Variants in ADAM18 observed in about 807,000 individuals in gnomAD.
The protein encoded by ADAM18 is ADAM metallopeptidase domain 18, also known as disintegrin and metalloproteinase domain-containing protein 18.
In ADAM18, 117 loss-of-function variants were observed where a neutral mutation model predicts 94.4. The observed-to-expected ratio is 1.24, with a 90% CI of 1.07 to 1.45. The LOEUF (loss-of-function observed/expected upper bound fraction) is 1.45. Ranked by LOEUF, ADAM18 falls within the 40% of genes most tolerant of loss-of-function variation. The pLI is 0.00. For synonymous variants in ADAM18, 327 were observed against 291.6 expected, an observed-to-expected ratio of 1.12 and a Z score of -1.24; for missense variants, 936 against 880.0, an observed-to-expected ratio of 1.06 and a Z score of -0.81.
intron 18 of ADAM18, among the ~76,000 whole-genome samples, chr8:39,717,785 A>G (rs1391485968): frequency 6.6e-6 from 1 of 151,638 alleles, no homozygotes; most frequent in Non-Finnish European, 1.5e-5. Context: ...ATTGAGTGGG[A>G]GAAAATATTT....
chr8:39,719,378 A>G (rs1178472598), intron 18 of ADAM18, among the ~76,000 whole-genome samples: 2 of 151,378 alleles, frequency 1.3e-5, no homozygotes, highest in Non-Finnish European at 3.0e-5. Context: ...TCTAGAAGAA[A>G]ACATAAGAGA....
chr8:39,707,568 CCTT>C (rs1822274366), intron 18 of ADAM18, among the ~76,000 whole-genome samples: 2 of 152,078 alleles, frequency 1.3e-5, no homozygotes, highest in South Asian at 2.1e-4. Flanking sequence ...ATTTCTTTCT[CCTT>C]CTTTACAATT....
chr8:39,684,734 TATAATTTC>T (rs2129580666), intron 16 of ADAM18, among the ~76,000 whole-genome samples: 1 of 152,316 alleles, frequency 6.6e-6, no homozygotes, highest in African/African-American at 2.4e-5. Context: ...TATAGTTTCT[TATAATTTC>T]TTATAATTTC....
At chr8:39,611,740 A>T (rs1819277764) in intron 6 of ADAM18, among the ~76,000 whole-genome samples, 1 of 152,150 alleles carries the variant, frequency 6.6e-6, no homozygotes, top group Non-Finnish European at 1.5e-5. Flanking sequence ...AGAAAAAAAA[A>T]AGTGCCTATA....
chr8:39,630,314 A>G (rs1819897307), intron 7 of ADAM18, among the ~76,000 whole-genome samples: 1 of 151,516 alleles, frequency 6.6e-6, no homozygotes, highest in South Asian at 2.1e-4. Flanking sequence ...TTTAATGGAA[A>G]AGACAGATAT....
intron 16 of ADAM18, among the ~76,000 whole-genome samples, chr8:39,683,028 C>T (rs182328524): frequency 6.6e-5 from 10 of 152,204 alleles, no homozygotes; most frequent in South Asian, 2.1e-4. Flanking sequence ...GACATAGTGA[C>T]GTGCTTCTAA....
chr8:39,656,692 G>A (rs762441253), intron 12 of ADAM18, among the ~76,000 whole-genome samples: 1 of 152,126 alleles, frequency 6.6e-6, no homozygotes, highest in Non-Finnish European at 1.5e-5. Context: ...CAGGAGATAT[G>A]TACTCAGATA....
At chr8:39,606,467 A>G (rs1221227126) in intron 3 of ADAM18, 105 bp downstream of exon 3, 3 of 608,240 alleles carry the variant, frequency 4.9e-6, no homozygotes, top group African/African-American at 3.9e-5. Context: ...ATGCTGTATA[A>G]TGTAGACTTG....
chr8:39,613,666 A>G (rs1051927091), intron 6 of ADAM18, among the ~76,000 whole-genome samples: 1 of 152,190 alleles, frequency 6.6e-6, no homozygotes, highest in Non-Finnish European at 1.5e-5. Context: ...CAGAATCTGG[A>G]TGGCAATAAA....
At chr8:39,687,703 T>A (rs569489098) in intron 16 of ADAM18, among the ~76,000 whole-genome samples, 197 of 152,326 alleles carry the variant, frequency 1.3e-3, no homozygotes, top group Middle Eastern at 6.8e-3. Context: ...CTCCCACTTA[T>A]AAGTGAGAAC....
chr8:39,717,165 T>G (rs891539848), intron 18 of ADAM18, among the ~76,000 whole-genome samples: 1 of 151,816 alleles, frequency 6.6e-6, no homozygotes, highest in Non-Finnish European at 1.5e-5. Context: ...TAAAGTAACT[T>G]ATAAAGTCCA....
chr8:39,612,122 C>T (rs1819294126), intron 6 of ADAM18, among the ~76,000 whole-genome samples: 1 of 150,362 alleles, frequency 6.7e-6, no homozygotes, highest in Non-Finnish European at 1.5e-5. Flanking sequence ...AATAATGTGG[C>T]TTAATTAGTG....
intron 12 of ADAM18, 67 bp from the exon 13 acceptor site, chr8:39,663,728 T>A (rs915245657): frequency 1.0e-6 from 1 of 994,910 alleles, no homozygotes; most frequent in African/African-American, 1.6e-5. Flanking sequence ...AAATTGAAAT[T>A]GAGATTAAGA....
chr8:39,658,511 G>T (rs938146018), intron 12 of ADAM18, among the ~76,000 whole-genome samples: 5 of 152,154 alleles, frequency 3.3e-5, no homozygotes, highest in Non-Finnish European at 7.4e-5. Flanking sequence ...CCTTCTATGA[G>T]CTGAAAAAGG....
intron 12 of ADAM18, among the ~76,000 whole-genome samples, chr8:39,655,611 C>T (rs1820662740): frequency 6.6e-6 from 1 of 152,056 alleles, no homozygotes; most frequent in South Asian, 2.1e-4. Context: ...CTGTTGTCAT[C>T]TTTCACACTT....
chr8:39,611,982 G>A lies in ADAM18; in HGVS notation c.522+1276G>A, dbSNP rs373595585. Reference sequence around the variant, plus strand: ...AATCACTTAACCACAAAGGAAGATAGCAAGACATGAAAAAAATGAAGAAGT... The same window carrying A: ...AATCACTTAACCACAAAGGAAGATAACAAGACATGAAAAAAATGAAGAAGT... On this transcript the variant is annotated intron_variant, in intron 6 of 19. Transcript: ENST00000265707. 1.6e-3 allele frequency among the ~76,000 whole-genome samples: 243 copies of A among 152,078 alleles called. 2 individuals carry two copies. The highest frequency in any genetic ancestry group is 5.7e-3 in the African/African-American group (237 of 41,506).
In ADAM18 at chr8:39,637,621, G is replaced by A; in HGVS notation, c.745G>A (p.Ala249Thr). 1 of 1,612,858 alleles carries A rather than the reference G, an allele frequency of 6.2e-7. No individual in the cohort carries two copies. The change falls in exon 9 of 20, where the codon GCT (alanine) becomes ACT (threonine). Residue 249 changes from alanine to threonine, a missense_variant. Ala to Thr is a moderately conservative substitution (Grantham distance 58, BLOSUM62 0). Transcript: ENST00000265707. ...NENQISTSGD[A>T]DDILQRFLAW... ...AAACCAGATTTCCACCAGTGGGGAT[G>A]CTGATGATATATTACAAAGATTTTT...
At chr8:39,628,407 TGATA>T (rs1320321376) in intron 6 of ADAM18, among the ~76,000 whole-genome samples, 4 of 138,566 alleles carry the variant, frequency 2.9e-5, no homozygotes, top group Non-Finnish European at 6.2e-5. Context: ...ATTGATAGAC[TGATA>T]GATCAATAGA....
At chr8:39,702,931 T>C (rs1057248747) in intron 17 of ADAM18, among the ~76,000 whole-genome samples, 11 of 152,216 alleles carry the variant, frequency 7.2e-5, no homozygotes, top group Non-Finnish European at 1.6e-4. Context: ...CCTCCAGCTT[T>C]GTTCTTTTTG....
Sources: gnomAD v4.1 joint callset for allele counts (sites outside exome capture counted in the v4.1 genomes callset) on GRCh38, gnomAD v4.1.1 for gene constraint, MANE v1.5 for transcripts, NCBI Gene and HGNC (gene_info 2026-07-23, HGNC 2026-07-21) for gene names.